TUBGCP3: variants seen among roughly 807,000 people sequenced by gnomAD.
TUBGCP3 encodes gamma-tubulin complex component 3.
In TUBGCP3, 50 loss-of-function variants were observed where a neutral mutation model predicts 123.1. The ratio of observed to expected loss-of-function variants is 0.41; its 90% CI spans 0.32 to 0.51. The LOEUF (loss-of-function observed/expected upper bound fraction) is 0.51. Among genes scored for constraint, TUBGCP3 ranks in the 20% least tolerant of loss-of-function variants. TUBGCP3 has a pLI of 0.36. For synonymous variants in TUBGCP3, 405 were observed against 413.9 expected (o/e 0.98, Z 0.26); for missense variants, 882 against 1,127.0 (o/e 0.78, Z 3.11).
chr13:112,546,670 A>T (rs1436555209), intron 10 of TUBGCP3: 2 of 152,422 alleles, frequency 1.3e-5, no homozygotes, highest in African/African-American at 4.8e-5. Context: ...CAGGCTGAGC[A>T]GAGTGAAGAC....
chr13:112,578,375 C>T (rs186334020), intron 1 of TUBGCP3, among the ~76,000 whole-genome samples: 6 of 150,686 alleles, frequency 4.0e-5, no homozygotes, highest in East Asian at 2.0e-4. Context: ...CTGGCTAACA[C>T]GGTGAAACCC....
At chr13:112,561,937 A>G (rs1431756690) in intron 3 of TUBGCP3, among the ~76,000 whole-genome samples, 1 of 152,254 alleles carries the variant, frequency 6.6e-6, no homozygotes, top group Non-Finnish European at 1.5e-5. Flanking sequence ...AACTATAAAA[A>G]GAGCAAGTAT....
chr13:112,578,919 TAAAAC>T (rs1047291540), intron 1 of TUBGCP3, among the ~76,000 whole-genome samples: 2 of 152,102 alleles, frequency 1.3e-5, no homozygotes, highest in African/African-American at 2.4e-5. Context: ...CTCTTAGAAA[TAAAAC>T]AAAACAAAGA....
chr13:112,603,206 T>C, the TUBGCP3 span: 2 of 152,320 alleles, frequency 1.3e-5, no homozygotes, highest in East Asian at 3.9e-4. Flanking sequence ...CCGATTCTCC[T>C]CCAGGCTTCT....
chr13:112,497,817 A>G (rs555527325), intron 20 of TUBGCP3, among the ~76,000 whole-genome samples: 80 of 152,378 alleles, frequency 5.3e-4, no homozygotes, highest in Non-Finnish European at 1.1e-3. Context: ...GAAAAGGTAC[A>G]GTGAAAATAT....
rs1438975699 is a variant in TUBGCP3, at chr13:112,504,723, G to A, written c.2087-9C>T. ...CAGCACCCCGGAGAACTCTGCAAGG[G>A]AAGAGTTGACGTCAGAGGTGCAATG... On this transcript the variant is annotated splice_polypyrimidine_tract_variant and intron_variant, in intron 17 of 21. Transcript: ENST00000261965. 55 of 1,612,290 alleles carry A rather than the reference G, an allele frequency of 3.4e-5. No homozygotes were observed. Among genetic ancestry groups the A allele is most frequent in the Non-Finnish European group, 4.7e-5 (55 of 1,178,864 alleles).
chr13:112,519,028 T>A lies in TUBGCP3; in HGVS notation c.1897A>T (p.Thr633Ser). The change falls in exon 16 of 22, where the codon ACT becomes TCT. Residue 633 changes from threonine to serine, a missense_variant. Thr to Ser is a moderately conservative substitution (Grantham distance 58, BLOSUM62 1). Transcript: ENST00000261965. The surrounding 1 kb of genome is among the most constrained non-coding windows in gnomAD (Gnocchi z 6.2). Reference sequence around the variant, plus strand: ...TCGAGGCTGAAGACATCCCATCCAGTGTCACCTGGAGAGACCTAACAACAG... The same window carrying A: ...TCGAGGCTGAAGACATCCCATCCAGAGTCACCTGGAGAGACCTAACAACAG... ...VRLLEVSPGDTGWDVFSLDYH... is the reference protein window; with the variant it reads ...VRLLEVSPGDSGWDVFSLDYH... 6.2e-7 allele frequency: 1 copy of A among 1,613,598 alleles called. No individual in the cohort carries two copies. The highest frequency in any genetic ancestry group is 8.5e-7 in the Non-Finnish European group (1 of 1,179,466).
intron 16 of TUBGCP3, among the ~76,000 whole-genome samples, chr13:112,518,487 GAC>G (rs1876346505): frequency 6.6e-6 from 1 of 152,172 alleles, no homozygotes; most frequent in African/African-American, 2.4e-5. Flanking sequence ...CATGTAAAAA[GAC>G]AGCTTTCCTG....
In TUBGCP3 at chr13:112,489,604, G is replaced by A; in HGVS notation, c.2542C>T (p.Arg848Ter). Residue 848 changes from arginine (R) to a stop codon, truncating the protein, a stop_gained, in exon 21 of 22, where the codon CGA (arginine) becomes TGA (stop). Coordinates refer to ENST00000261965, the MANE Select transcript of TUBGCP3 (RefSeq NM_006322.6). LOFTEE classifies it high-confidence loss of function. ...ACCTGGTAGAAATGGGTCAATATTCGCAACTGTGAGCACATTTTTGGTATA... is the reference window on the plus strand; with the variant it reads ...ACCTGGTAGAAATGGGTCAATATTCACAACTGTGAGCACATTTTTGGTATA... ...ESIPKMCSQL[R>*]ILTHFYQGIV... 6.2e-7 allele frequency: 1 copy of A among 1,613,936 alleles called. No individual in the cohort carries two copies. The highest frequency in any genetic ancestry group is 8.5e-7 in the Non-Finnish European group (1 of 1,179,796).
In TUBGCP3 at chr13:112,555,704, G is replaced by A. The variant is rs565163174; in HGVS notation, c.721+348C>T. 3.3e-5 allele frequency among the ~76,000 whole-genome samples: 5 copies of A among 152,256 alleles called. No homozygotes were observed. The South Asian group carries it at 1.0e-3, about 32-fold the overall frequency. On this transcript the variant is annotated intron_variant, in intron 6 of 21. Transcript: ENST00000261965. The stretch of plus-strand genomic sequence containing the variant: ...TGGTAGAAGAAGGTGACTTTTACTG[G>A]GGGCCTAACCCAGCCTTAAAGACTT...
At chr13:112,565,244 T>A in intron 2 of TUBGCP3, 66 bp from the exon 3 acceptor site, 1 of 1,383,310 alleles carries the variant, frequency 7.2e-7, no homozygotes. Flanking sequence ...TATGATACTA[T>A]TTCACCTACA....
chr13:112,603,859 G>A, the TUBGCP3 span: 3,876 of 152,436 alleles, frequency 0.025, 81 homozygotes, highest in Middle Eastern at 0.055. Flanking sequence ...AGGGAGAAGA[G>A]GGCAGAGGGA....
intron 11 of TUBGCP3, among the ~76,000 whole-genome samples, chr13:112,535,107 C>G (rs1489186908): frequency 6.6e-6 from 1 of 152,196 alleles, no homozygotes; most frequent in Non-Finnish European, 1.5e-5. Flanking sequence ...CACACTGTAG[C>G]AAGTATCAGA....
the TUBGCP3 span, among the ~76,000 whole-genome samples, chr13:112,598,927 C>T: frequency 1.6e-5 from 2 of 127,408 alleles, no homozygotes; most frequent in African/African-American, 6.1e-5. Context: ...GCCTGGGTGA[C>T]AGAGCGAGAC....
chr13:112,602,951 C>A, the TUBGCP3 span: 1 of 152,194 alleles, frequency 6.6e-6, no homozygotes, highest in Non-Finnish European at 1.5e-5. Flanking sequence ...CAAAGCAAGA[C>A]CTGCATTATA....
At chr13:112,576,901 A>G (rs1189037216) in intron 1 of TUBGCP3, among the ~76,000 whole-genome samples, 1 of 151,678 alleles carries the variant, frequency 6.6e-6, no homozygotes, top group Non-Finnish European at 1.5e-5. Context: ...AAATGGTAAA[A>G]CAAACAAACA....
intron 11 of TUBGCP3, among the ~76,000 whole-genome samples, chr13:112,528,373 G>T (rs181619417): frequency 6.6e-6 from 1 of 152,264 alleles, no homozygotes. Context: ...GCTCCCACGG[G>T]CAAGATGTCC....
intron 1 of TUBGCP3, among the ~76,000 whole-genome samples, chr13:112,577,485 C>T (rs1442830746): frequency 1.3e-5 from 2 of 151,798 alleles, no homozygotes; most frequent in African/African-American, 2.4e-5. Flanking sequence ...AAAAAAAGTC[C>T]GAGAAATTGT....
intron 13 of TUBGCP3, 45 bp downstream of exon 13, chr13:112,526,897 C>T (rs1206786779): frequency 2.9e-6 from 4 of 1,370,236 alleles, no homozygotes; most frequent in Middle Eastern, 1.8e-4. Flanking sequence ...TCATCATCAA[C>T]ATCACACCAT....
Sources: gnomAD v4.1 joint callset for allele counts (sites outside exome capture counted in the v4.1 genomes callset) on GRCh38, gnomAD v4.1.1 for gene constraint, Gnocchi (gnomAD v3.1) non-coding constraint, MANE v1.5 for transcripts, NCBI Gene and HGNC (gene_info 2026-07-23, HGNC 2026-07-21) for gene names.